FGF9: variants seen among roughly 807,000 people sequenced by gnomAD.
FGF9 encodes the protein fibroblast growth factor 9.
Under a neutral mutation model 19.9 loss-of-function variants are expected in FGF9, and 3 were observed. That is an observed-to-expected ratio of 0.15 (90% CI 0.07 to 0.39). The LOEUF is 0.39. FGF9 is among the 10% of genes least tolerant of loss of function. FGF9 has a pLI of 1.00. For missense variants in FGF9, 175 were observed against 256.8 expected (o/e 0.68, Z 2.18); for synonymous variants, 107 against 106.9 (o/e 1.00, Z -0.01).
intron 2 of FGF9, among the ~76,000 whole-genome samples, chr13:21,682,753 A>C (rs1872072005): frequency 6.8e-6 from 1 of 146,192 alleles, no homozygotes; most frequent in African/African-American, 2.5e-5. Flanking sequence ...GTCACAGTTG[A>C]ACTCAATAAA....
rs1186750048 is a variant in FGF9, at chr13:21,672,683, CT to C, written c.277+495del. Among the ~76,000 whole-genome samples the C allele has an allele frequency of 6.6e-6, 1 of 152,080 alleles. No homozygotes were observed. The highest frequency in any genetic ancestry group is 1.9e-4 in the East Asian group (1 of 5,192). On this transcript the variant is annotated intron_variant, in intron 1 of 2. Transcript: ENST00000382353. This position sits in a 1 kb window ranked among gnomAD's most constrained non-coding sequence, Gnocchi z 4.2. ...TATTAAGTGCATTGTTTATTCTCCC[CT>C]GTGAGGGTCTGAAAGCCCCATAGGC...
chr13:21,682,563 T>C (rs1049342789), intron 2 of FGF9, among the ~76,000 whole-genome samples: 5 of 152,128 alleles, frequency 3.3e-5, no homozygotes, highest in Admixed American at 1.3e-4. Context: ...ACACAGTGGA[T>C]GGTTTAGGCA....
intron 2 of FGF9, among the ~76,000 whole-genome samples, chr13:21,693,188 G>C (rs926654760): frequency 6.6e-6 from 1 of 152,212 alleles, no homozygotes; most frequent in East Asian, 1.9e-4. Flanking sequence ...CAGTGTTGAG[G>C]AGGGGAAGGG....
rs527937855 is a variant in FGF9, at chr13:21,703,856, T to G, written c.*2421T>G. 1.3e-5 allele frequency: 2 copies of G among 152,118 alleles called. No homozygotes were observed. Among genetic ancestry groups the G allele is most frequent in the East Asian group, 3.9e-4 (2 of 5,186 alleles). 9.4% of individuals were successfully genotyped at this position (152,118 alleles called of 1,614,324 possible). On this transcript the variant is annotated 3_prime_UTR_variant, in exon 3 of 3. Coordinates refer to ENST00000382353, the MANE Select transcript of FGF9 (RefSeq NM_002010.3). ...ATTCCTATAAAACGCTACTTTAAGG[T>G]CTACTTTTGGAGTTAATTTTGTTTG...
At chr13:21,693,754 G>C (rs1872345276) in intron 2 of FGF9, among the ~76,000 whole-genome samples, 1 of 152,158 alleles carries the variant, frequency 6.6e-6, no homozygotes, top group Non-Finnish European at 1.5e-5. Context: ...TATCCTCCCA[G>C]TGGTCTCCCG....
intron 2 of FGF9, among the ~76,000 whole-genome samples, chr13:21,683,013 G>C (rs984555566): frequency 3.9e-5 from 6 of 152,116 alleles, no homozygotes; most frequent in Non-Finnish European, 8.8e-5. Context: ...ATACAGCAAA[G>C]TAAACAATTT....
chr13:21,689,753 C>G (rs1199913640), intron 2 of FGF9, among the ~76,000 whole-genome samples: 1 of 152,184 alleles, frequency 6.6e-6, no homozygotes, highest in African/African-American at 2.4e-5. Context: ...GGCTTCCTGA[C>G]AGTGCTGACT....
At chr13:21,681,178 C>A in intron 2 of FGF9, 33 bp downstream of exon 2, 2 of 1,447,176 alleles carry the variant, frequency 1.4e-6, no homozygotes, top group Non-Finnish European at 1.9e-6. Flanking sequence ...CCAGCTTTAT[C>A]TCCATGTTTG....
In FGF9 at chr13:21,671,994, G is replaced by A. The variant is rs1238303573; in HGVS notation, c.82G>A (p.Asp28Asn). 6.2e-7 allele frequency: 1 copy of A among 1,614,210 alleles called. No homozygotes were observed. The highest frequency in any genetic ancestry group is 8.5e-7 in the Non-Finnish European group (1 of 1,180,040). The part of the protein sequence containing the change: ...PFGNVPVLPV[D>N]SPVLLSDHLG... ...TGGGAATGTGCCCGTGTTGCCGGTG[G>A]ACAGCCCGGTTTTGTTAAGTGACCA... The change falls in exon 1 of 3, where the codon GAC becomes AAC. Residue 28 changes from aspartate to asparagine, a missense_variant. By Grantham distance (23) the Asp-to-Asn change is conservative. Transcript: ENST00000382353.
At chr13:21,676,773 G>A (rs1199466449) in intron 1 of FGF9, among the ~76,000 whole-genome samples, 1 of 152,226 alleles carries the variant, frequency 6.6e-6, no homozygotes, top group East Asian at 1.9e-4. Context: ...TTAAGCCAGA[G>A]AACCATGTCA....
chr13:21,677,004 G>T (rs553996225), intron 1 of FGF9, among the ~76,000 whole-genome samples: 133 of 152,334 alleles, frequency 8.7e-4, no homozygotes, highest in Middle Eastern at 3.4e-3. Flanking sequence ...TCCTGAAATA[G>T]TCCAGGCATT....
At chr13:21,692,406 C>T (rs571935923) in intron 2 of FGF9, among the ~76,000 whole-genome samples, 3 of 152,074 alleles carry the variant, frequency 2.0e-5, no homozygotes, top group East Asian at 1.9e-4. Flanking sequence ...CATTTTGCTG[C>T]GTTTTGATGG....
Position 21,684,069 on chromosome 13 carries a change from C to T in FGF9, c.381+2924C>T, listed in dbSNP as rs78841276. 2.0e-4 allele frequency among the ~76,000 whole-genome samples: 30 copies of T among 152,356 alleles called. No individual in the cohort carries two copies. In the East Asian group the frequency reaches 4.0e-3, roughly 21 times the overall value. ...TATACTTGTGGCCAAGTGAATTTCT[C>T]TCTCAGATGCCTTTCTCTTGCCTTC... On this transcript the variant is annotated intron_variant, in intron 2 of 2. Transcript: ENST00000382353.
Position 21,671,222 on chromosome 13 carries a change from C to A in FGF9, c.-691C>A, listed in dbSNP as rs1871758785. On this transcript the variant is annotated 5_prime_UTR_variant, in exon 1 of 3. Transcript: ENST00000382353. ...CTCTCCTCGCTCGCCGCTCGCCACCCGTTCTAAGCCAATGGACATCTGCCG... is the reference window on the plus strand; with the variant it reads ...CTCTCCTCGCTCGCCGCTCGCCACCAGTTCTAAGCCAATGGACATCTGCCG... Among the ~76,000 whole-genome samples the A allele has an allele frequency of 6.6e-6, 1 of 152,246 alleles. No homozygotes were observed. The highest frequency in any genetic ancestry group is 2.4e-5 in the African/African-American group (1 of 41,478).
intron 2 of FGF9, among the ~76,000 whole-genome samples, chr13:21,696,833 C>T (rs149145509): frequency 3.3e-5 from 5 of 152,188 alleles, no homozygotes; most frequent in Middle Eastern, 3.4e-3. Context: ...CTTGCTACTC[C>T]GTCTAAAACA....
At chr13:21,689,965 C>A (rs1243890364) in intron 2 of FGF9, among the ~76,000 whole-genome samples, 2 of 152,226 alleles carry the variant, frequency 1.3e-5, no homozygotes, top group Non-Finnish European at 2.9e-5. Context: ...TCCCACATCA[C>A]CCCTGTTTTC....
At chr13:21,698,370 G>A (rs1420150667) in intron 2 of FGF9, among the ~76,000 whole-genome samples, 1 of 152,198 alleles carries the variant, frequency 6.6e-6, no homozygotes, top group East Asian at 1.9e-4. Flanking sequence ...ATGTTAATGT[G>A]ATATTAACAA....
At chr13:21,699,523 C>A in intron 2 of FGF9, among the ~76,000 whole-genome samples, 1 of 152,146 alleles carries the variant, frequency 6.6e-6, no homozygotes. Context: ...GGGAGGGGAC[C>A]TAGAGAAGGT....
rs1872299917 is a variant in FGF9 at position 21,691,917 on chromosome 13, C to T, written c.382-9273C>T. The stretch of plus-strand genomic sequence containing the variant: ...CTAAGTGTGAGAGCCACACTCAGAG[C>T]TGTCTTCTTCATGCTGTCTCTAAAT... On this transcript the variant is annotated intron_variant, in intron 2 of 2. Transcript: ENST00000382353. This position sits in a 1 kb window ranked among gnomAD's most constrained non-coding sequence, Gnocchi z 4.2. Among the ~76,000 whole-genome samples, 1 of 152,082 alleles carries T rather than the reference C, an allele frequency of 6.6e-6. No homozygotes were observed. The highest frequency in any genetic ancestry group is 2.1e-4 in the South Asian group (1 of 4,820).
Sources: allele counts gnomAD v4.1 joint callset (sites outside exome capture counted in the v4.1 genomes callset), GRCh38; gene constraint gnomAD v4.1.1; non-coding constraint Gnocchi (gnomAD v3.1); transcripts MANE v1.5; gene names NCBI Gene and HGNC (gene_info 2026-07-23, HGNC 2026-07-21).